Variants in TDRD7 observed in about 807,000 individuals in gnomAD.
TDRD7 encodes the protein tudor domain containing 7, also known as tudor domain-containing protein 7.
TDRD7 carries 47 observed loss-of-function variants against 109.8 expected under a neutral mutation model. The observed-to-expected ratio is 0.43, with a 90% CI of 0.34 to 0.55. The LOEUF (loss-of-function observed/expected upper bound fraction) is 0.55, where lower values mean the gene tolerates loss of function less well. Among genes scored for constraint, TDRD7 ranks in the 20% least tolerant of loss-of-function variants. TDRD7 has a pLI of 0.03. For missense variants in TDRD7, 1,164 were observed against 1,319.2 expected (o/e 0.88, Z 1.82); for synonymous variants, 424 against 457.3 (o/e 0.93, Z 0.93).
chr9:97,429,963 T>G (rs1331919029), intron 2 of TDRD7, among the ~76,000 whole-genome samples: 2 of 152,254 alleles, frequency 1.3e-5, no homozygotes, highest in African/African-American at 4.8e-5. Context: ...ATACCCCCGT[T>G]GCTCATACTT....
At chr9:97,487,423 T>A in intron 16 of TDRD7, 91 bp downstream of exon 16, 1 of 1,572,516 alleles carries the variant, frequency 6.4e-7, no homozygotes, top group South Asian at 1.1e-5. Flanking sequence ...CATTGGCCTC[T>A]TGAGTTTAGG....
At chr9:97,472,556 A>G (rs1230710508) in intron 10 of TDRD7, 61 bp downstream of exon 10, 1 of 1,321,846 alleles carries the variant, frequency 7.6e-7, no homozygotes, top group East Asian at 2.3e-5. Flanking sequence ...AAATCACCAG[A>G]ATATTATACA....
At chr9:97,489,738 T>C (rs1172610404) in intron 16 of TDRD7, among the ~76,000 whole-genome samples, 1 of 152,206 alleles carries the variant, frequency 6.6e-6, no homozygotes, top group Non-Finnish European at 1.5e-5. Flanking sequence ...TTGTCATTAC[T>C]CTTTTTCTGC....
intron 16 of TDRD7, among the ~76,000 whole-genome samples, chr9:97,493,651 C>T (rs530746610): frequency 1.8e-4 from 28 of 152,258 alleles, no homozygotes; most frequent in African/African-American, 5.1e-4. Context: ...GGAATTTCCT[C>T]GTCCTAATAA....
At chr9:97,458,379 G>A (rs757165276) in intron 6 of TDRD7, among the ~76,000 whole-genome samples, 1 of 152,108 alleles carries the variant, frequency 6.6e-6, no homozygotes, top group African/African-American at 2.4e-5. Context: ...CTGTATTCTT[G>A]TATCTTATTG....
chr9:97,457,357 GAC>G (rs554868896), intron 6 of TDRD7, among the ~76,000 whole-genome samples: 34 of 151,040 alleles, frequency 2.3e-4, no homozygotes, highest in African/African-American at 7.5e-4. Flanking sequence ...CTACTATAAA[GAC>G]ACACACACAC....
intron 8 of TDRD7, among the ~76,000 whole-genome samples, chr9:97,468,580 C>T (rs1368223849): frequency 6.6e-6 from 1 of 152,212 alleles, no homozygotes; most frequent in East Asian, 1.9e-4. Context: ...CTACTTAGCA[C>T]CAGTCTTGCT....
chr9:97,487,064 A>G, intron 15 of TDRD7, 108 bp from the exon 16 acceptor site: 1 of 1,231,122 alleles, frequency 8.1e-7, no homozygotes, highest in Non-Finnish European at 1.2e-6. Flanking sequence ...AATTTTGATA[A>G]ACATAATTTG....
intron 8 of TDRD7, among the ~76,000 whole-genome samples, chr9:97,466,099 A>G (rs1445437960): frequency 6.6e-6 from 1 of 152,204 alleles, no homozygotes; most frequent in Non-Finnish European, 1.5e-5. Flanking sequence ...ACCTTATTCC[A>G]TGTGCCACTA....
intron 6 of TDRD7, among the ~76,000 whole-genome samples, chr9:97,458,487 G>A (rs1828657509): frequency 1.3e-5 from 2 of 152,156 alleles, no homozygotes; most frequent in African/African-American, 4.8e-5. Context: ...GAAAGATGAG[G>A]AATGCTCCAA....
intron 12 of TDRD7, 117 bp downstream of exon 12, chr9:97,475,586 A>G (rs1829005416): frequency 1.3e-6 from 1 of 793,340 alleles, no homozygotes; most frequent in African/African-American, 1.7e-5. Context: ...CAGTTTATGA[A>G]ATAAAACATG....
chr9:97,421,594 CT>C (rs1827900095), intron 1 of TDRD7, among the ~76,000 whole-genome samples: 1 of 151,960 alleles, frequency 6.6e-6, no homozygotes, highest in Non-Finnish European at 1.5e-5. Context: ...TCAATTTCTT[CT>C]TTTTTTCTTT....
In TDRD7 at chr9:97,425,651, A is replaced by G. The variant is rs1307686055; in HGVS notation, c.-6-2809A>G. Among the ~76,000 whole-genome samples, 4 of 152,338 alleles carry G rather than the reference A, an allele frequency of 2.6e-5. No individual in the cohort carries two copies. The East Asian group carries it at 7.7e-4, about 29-fold the overall frequency. On this transcript the variant is annotated intron_variant, in intron 1 of 16. Coordinates refer to ENST00000355295, the MANE Select transcript of TDRD7 (RefSeq NM_014290.3). ...CACACACACATCTGTGAAAAGAATA[A>G]GAATACAGACCTAGTATAGGGCTTT...
In TDRD7 at chr9:97,419,537, C is replaced by T. The variant is rs182334235; in HGVS notation, c.-7+7299C>T. Reference sequence around the variant, plus strand: ...CATCTGGCAACCGTGAAGTATAGGTCCCAAAGCTGTCCTCTTTCCTGCTCC... The same window carrying T: ...CATCTGGCAACCGTGAAGTATAGGTTCCAAAGCTGTCCTCTTTCCTGCTCC... On this transcript the variant is annotated intron_variant, in intron 1 of 16. Transcript: ENST00000355295. Among the ~76,000 whole-genome samples the T allele has an allele frequency of 1.2e-4, 19 of 152,302 alleles. No individual in the cohort carries two copies. In the East Asian group the frequency reaches 2.5e-3, roughly 20 times the overall value.
At chr9:97,453,349 C>G (rs1828534158) in intron 6 of TDRD7, among the ~76,000 whole-genome samples, 1 of 151,898 alleles carries the variant, frequency 6.6e-6, no homozygotes, top group Admixed American at 6.6e-5. Flanking sequence ...CAATGGTGGT[C>G]CCATAAGATT....
At chr9:97,482,822 T>TTA in intron 14 of TDRD7, 27 bp from the exon 15 acceptor site, 11 of 1,611,976 alleles carry the variant, frequency 6.8e-6, no homozygotes, top group Non-Finnish European at 9.3e-6. Flanking sequence ...CTTGTATTTC[T>TTA]TATATCATTT....
At chr9:97,463,049 C>T (rs1400618703) in intron 7 of TDRD7, among the ~76,000 whole-genome samples, 3 of 152,264 alleles carry the variant, frequency 2.0e-5, no homozygotes, top group Non-Finnish European at 2.9e-5. Context: ...TGCAGACCTT[C>T]TGGAGGACTT....
chr9:97,414,678 T>G (rs755037472), intron 1 of TDRD7, among the ~76,000 whole-genome samples: 42 of 152,108 alleles, frequency 2.8e-4, no homozygotes, highest in South Asian at 1.0e-3. Flanking sequence ...AATTTGGAAC[T>G]TGAGATCACA....
intron 1 of TDRD7, among the ~76,000 whole-genome samples, chr9:97,420,693 G>T (rs1193902418): frequency 2.0e-5 from 3 of 152,086 alleles, no homozygotes; most frequent in Non-Finnish European, 4.4e-5. Flanking sequence ...TAGACATTTT[G>T]ATTGTTTCCA....
Sources: gnomAD v4.1 joint callset for allele counts (sites outside exome capture counted in the v4.1 genomes callset) on GRCh38, gnomAD v4.1.1 for gene constraint, MANE v1.5 for transcripts, NCBI Gene and HGNC (gene_info 2026-07-23, HGNC 2026-07-21) for gene names.